Variants in GOLGA4 observed in about 807,000 individuals in gnomAD.
GOLGA4 encodes golgin subfamily A member 4.
Under a neutral mutation model 265.9 loss-of-function variants are expected in GOLGA4, and 169 were observed. That is an observed-to-expected ratio of 0.64 (90% CI 0.56 to 0.72). The LOEUF (loss-of-function observed/expected upper bound fraction) is 0.72, where lower values mean the gene tolerates loss of function less well. Ranked by LOEUF, GOLGA4 falls within the 30% of genes least tolerant of loss-of-function variation. GOLGA4 has a pLI of 0.00. For missense variants in GOLGA4, 2,482 were observed against 2,483.4 expected (o/e 1.00, Z 0.01); for synonymous variants, 923 against 855.8 (o/e 1.08, Z -1.37).
rs781267945 is a variant in GOLGA4 at position 37,325,327 on chromosome 3, G to A, written c.3441G>A (p.Leu1147=). The change falls in exon 14 of 24, where the codon CTG becomes CTA. Residue 1147 remains leucine (L), a synonymous_variant. Coordinates refer to ENST00000361924, the MANE Select transcript of GOLGA4 (RefSeq NM_002078.5). The part of the protein sequence containing the change: ...EKLEVDLNKS[L]KENTFLQEQL... ...TAGAGGTTGACTTGAATAAGTCTCTGAAGGAAAATACTTTTCTTCAAGAGC... is the reference window on the plus strand; with the variant it reads ...TAGAGGTTGACTTGAATAAGTCTCTAAAGGAAAATACTTTTCTTCAAGAGC... The A allele has an allele frequency of 1.9e-6, 3 of 1,613,550 alleles. No homozygotes were observed. The Admixed American group carries it at 5.0e-5, about 27-fold the overall frequency.
At chr3:37,289,343 T>C (rs770452699) in intron 5 of GOLGA4, 52 bp downstream of exon 5, 1 of 1,119,648 alleles carries the variant, frequency 8.9e-7, no homozygotes, top group Non-Finnish European at 1.3e-6. Context: ...CTCATATTTA[T>C]CAGAACTGTT....
intron 1 of GOLGA4, chr3:37,243,898 A>G (rs961448339): frequency 6.2e-6 from 3 of 484,072 alleles, no homozygotes; most frequent in African/African-American, 4.0e-5. Flanking sequence ...GTTTTCTCCT[A>G]AGGCCAGAGT....
intron 23 of GOLGA4, among the ~76,000 whole-genome samples, chr3:37,362,954 T>C (rs77439683): frequency 0.015 from 2,329 of 151,716 alleles, 116 homozygotes; most frequent in East Asian, 0.11. Flanking sequence ...AGCTAATTTT[T>C]TGTATTTTTA....
intron 16 of GOLGA4, among the ~76,000 whole-genome samples, chr3:37,333,756 T>C (rs1278462396): frequency 6.6e-6 from 1 of 152,144 alleles, no homozygotes; most frequent in Non-Finnish European, 1.5e-5. Flanking sequence ...ATCTAAGATA[T>C]CTAAGGATAT....
chr3:37,295,967 C>T, intron 6 of GOLGA4, 120 bp from the exon 7 acceptor site: 1 of 777,356 alleles, frequency 1.3e-6, no homozygotes, highest in South Asian at 1.6e-5. Flanking sequence ...GACTTGAGCT[C>T]CTGCGGATTT....
intron 2 of GOLGA4, among the ~76,000 whole-genome samples, chr3:37,253,839 A>G (rs1229420011): frequency 6.6e-6 from 1 of 152,260 alleles, no homozygotes; most frequent in Non-Finnish European, 1.5e-5. Context: ...CCTGATCAAT[A>G]TGGTGAAACC....
chr3:37,360,310 T>TA (rs2097101124), intron 22 of GOLGA4, among the ~76,000 whole-genome samples: 2 of 152,190 alleles, frequency 1.3e-5, no homozygotes, highest in Admixed American at 1.3e-4. Flanking sequence ...TCCATTTACT[T>TA]ATGTTTTCAA....
At chr3:37,276,707 C>T (rs374208206) in intron 2 of GOLGA4, 1 of 1,059,730 alleles carries the variant, frequency 9.4e-7, no homozygotes, top group Non-Finnish European at 1.4e-6. Context: ...TTTAAAGCAA[C>T]TTGAGTTAGA....
rs1696739307 is a variant in GOLGA4, at chr3:37,366,273, G to T, written c.*227G>T. 8.8e-6 allele frequency: 4 copies of T among 453,250 alleles called. No homozygotes were observed. The East Asian group carries it at 1.3e-4, about 15-fold the overall frequency. The allele number at this position is 453,250 out of a possible 1,614,324, so 28.1% of individuals were successfully genotyped here. ...AATAGATTTTATCAGTGGAGAAATG[G>T]TGATAGTTTTTTCTTCAGTTTTCTC... On this transcript the variant is annotated 3_prime_UTR_variant, in exon 24 of 24. Transcript: ENST00000361924.
chr3:37,295,680 T>C (rs2096876333), intron 6 of GOLGA4, among the ~76,000 whole-genome samples: 1 of 152,254 alleles, frequency 6.6e-6, no homozygotes, highest in Admixed American at 6.5e-5. Context: ...CCGTCCTCTC[T>C]CTGTTTTAAA....
chr3:37,253,023 A>C (rs1009685695), intron 2 of GOLGA4, among the ~76,000 whole-genome samples: 3 of 152,050 alleles, frequency 2.0e-5, no homozygotes, highest in African/African-American at 7.2e-5. Flanking sequence ...CCAAGGCAGG[A>C]GGATTGCTTG....
intron 1 of GOLGA4, among the ~76,000 whole-genome samples, chr3:37,245,864 A>G (rs1213585019): frequency 2.0e-5 from 3 of 151,466 alleles, no homozygotes; most frequent in Non-Finnish European, 2.9e-5. Flanking sequence ...GCGCCTGGCC[A>G]TTCGTGGTCT....
At chr3:37,287,037 T>A (rs531068429) in intron 4 of GOLGA4, among the ~76,000 whole-genome samples, 300 of 152,260 alleles carry the variant, frequency 2.0e-3, no homozygotes, top group Non-Finnish European at 3.3e-3. Flanking sequence ...CAGTTTGCTG[T>A]GTTTTAAAAT....
In GOLGA4 at chr3:37,325,506, A is replaced by G; in HGVS notation, c.3620A>G (p.Lys1207Arg). ...KSLEDKSLEF[K>R]KLSEELAIQL... The stretch of plus-strand genomic sequence containing the variant: ...CTAGAGGACAAGAGCTTGGAATTTA[A>G]AAAACTGTCTGAGGAACTAGCGATT... Residue 1207 changes from lysine to arginine, a missense_variant, in exon 14 of 24, where the codon AAA becomes AGA. By Grantham distance (26) the Lys-to-Arg change is conservative. This residue lies in a region of GOLGA4 where 1,536 missense variants were observed against 1,483.7 expected (regional missense o/e 1.04). Transcript: ENST00000361924. 1 of 1,613,860 alleles carries G rather than the reference A, an allele frequency of 6.2e-7. No individual in the cohort carries two copies. Among genetic ancestry groups the G allele is most frequent in the Non-Finnish European group, 8.5e-7 (1 of 1,179,854 alleles).
chr3:37,245,868 G>A (rs1453642022), intron 1 of GOLGA4, among the ~76,000 whole-genome samples: 1 of 151,986 alleles, frequency 6.6e-6, no homozygotes, highest in Non-Finnish European at 1.5e-5. Flanking sequence ...CTGGCCATTC[G>A]TGGTCTACTT....
chr3:37,286,744 TTTAAATACC>T (rs1386616114), intron 4 of GOLGA4, among the ~76,000 whole-genome samples: 2 of 152,226 alleles, frequency 1.3e-5, no homozygotes, highest in African/African-American at 4.8e-5. Flanking sequence ...CCTTCTGCTT[TTTAAATACC>T]TGCAGACATC....
At chr3:37,290,216 A>G (rs1346963623) in intron 5 of GOLGA4, among the ~76,000 whole-genome samples, 1 of 152,212 alleles carries the variant, frequency 6.6e-6, no homozygotes, top group African/African-American at 2.4e-5. Context: ...GGAGGCAAAG[A>G]AGAAAAACAA....
At chr3:37,328,610 G>C (rs1201933646) in intron 15 of GOLGA4, 73 bp downstream of exon 15, 2 of 1,313,038 alleles carry the variant, frequency 1.5e-6, no homozygotes, top group African/African-American at 3.0e-5. Context: ...CATTTTTGCA[G>C]TGGTGGTAAG....
At chr3:37,307,207 A>G (rs538544430) in intron 10 of GOLGA4, among the ~76,000 whole-genome samples, 1 of 152,088 alleles carries the variant, frequency 6.6e-6, no homozygotes, top group Non-Finnish European at 1.5e-5. Context: ...AACTCATAAC[A>G]TTCTTTGCTT....
Sources: allele counts gnomAD v4.1 joint callset (sites outside exome capture counted in the v4.1 genomes callset), GRCh38; gene constraint gnomAD v4.1.1; regional missense constraint gnomAD v4.1.1; transcripts MANE v1.5; gene names NCBI Gene and HGNC (gene_info 2026-07-23, HGNC 2026-07-21).